The following DNAH6 variants were observed in gnomAD, a reference collection of about 807,000 sequenced individuals.
The protein encoded by DNAH6 is dynein axonemal heavy chain 6.
In DNAH6, 340 loss-of-function variants were observed where a neutral mutation model predicts 491.4. The observed-to-expected ratio is 0.69, with a 90% confidence interval of 0.63 to 0.76. The LOEUF is 0.76. Among genes scored for constraint, DNAH6 ranks in the 30% least tolerant of loss-of-function variants. The pLI, the probability that DNAH6 is intolerant of heterozygous loss-of-function variation, is 0.00. For synonymous variants in DNAH6, 1,603 were observed against 1,686.1 expected (o/e 0.95, Z 1.21); for missense variants, 4,443 against 4,972.2 (o/e 0.89, Z 3.20).
At chr2:84,518,188 T>C in intron 2 of DNAH6, 137 bp downstream of exon 2, 2 of 647,004 alleles carry the variant, frequency 3.1e-6, no homozygotes, top group Non-Finnish European at 5.3e-6. Context: ...ACTGCTTATG[T>C]AGTTGTAAAT....
In DNAH6 at chr2:84,658,272, A is replaced by T; in HGVS notation, c.5758-20A>T. 6.8e-7 allele frequency: 1 copy of T among 1,480,602 alleles called. No individual in the cohort carries two copies. The highest frequency in any genetic ancestry group is 1.4e-5 in the African/African-American group (1 of 70,326). The allele number at this position is 1,480,602 out of a possible 1,614,324, so 91.7% of individuals were successfully genotyped here. A position where few individuals can be genotyped will look rare whatever the true frequency, so the allele number is the denominator to read the frequency against. ...TATATTTATCAGGTCTTGCTAAACT[A>T]TCATTTGTTTCATTTTCAGCTGACT... On this transcript the variant is annotated intron_variant, in intron 35 of 76. Transcript: ENST00000389394.
chr2:84,507,415 T>G, the DNAH6 span, among the ~76,000 whole-genome samples: 1 of 152,252 alleles, frequency 6.6e-6, no homozygotes, highest in Non-Finnish European at 1.5e-5. Context: ...CACATTGATT[T>G]TGTAACCTGA....
intron 64 of DNAH6, among the ~76,000 whole-genome samples, chr2:84,768,278 C>G (rs1400857417): frequency 2.6e-5 from 4 of 151,892 alleles, no homozygotes; most frequent in Admixed American, 2.6e-4. Flanking sequence ...ACACAATAGA[C>G]AGGATCCAAA....
At chr2:84,497,063 C>T in the DNAH6 span, among the ~76,000 whole-genome samples, 39 of 151,286 alleles carry the variant, frequency 2.6e-4, no homozygotes, top group African/African-American at 9.0e-4. Flanking sequence ...CTCCACCTGC[C>T]GGGTTTAAGC....
At chr2:84,700,449 G>C (rs552262412) in intron 48 of DNAH6, among the ~76,000 whole-genome samples, 2 of 152,296 alleles carry the variant, frequency 1.3e-5, no homozygotes, top group South Asian at 2.1e-4. Context: ...CATCAGCTGA[G>C]AGTGAAAAAG....
chr2:84,522,123 A>G (rs1676206952), intron 2 of DNAH6, among the ~76,000 whole-genome samples: 1 of 151,918 alleles, frequency 6.6e-6, no homozygotes, highest in Non-Finnish European at 1.5e-5. Context: ...ATGTTTTTTC[A>G]TTTGTTTGTG....
In DNAH6 at chr2:84,787,311, G is replaced by C; in HGVS notation, c.11239+9G>C. 1 of 1,545,424 alleles carries C rather than the reference G, an allele frequency of 6.5e-7. No individual in the cohort carries two copies. The highest frequency in any genetic ancestry group is 8.7e-7 in the Non-Finnish European group (1 of 1,144,522). On this transcript the variant is annotated intron_variant, in intron 68 of 76. Transcript: ENST00000389394. ...ACTAATTTACATTACTGGTGAGTACGTCCTTGTGGCCAGGCCTTCCATCTA... is the reference window on the plus strand; with the variant it reads ...ACTAATTTACATTACTGGTGAGTACCTCCTTGTGGCCAGGCCTTCCATCTA...
At chr2:84,585,311 A>T (rs1683428236) in intron 15 of DNAH6, among the ~76,000 whole-genome samples, 1 of 152,118 alleles carries the variant, frequency 6.6e-6, no homozygotes. Flanking sequence ...GTTATGGGAT[A>T]TTTGGGGTGT....
chr2:84,704,062 G>A lies in DNAH6; in HGVS notation c.8230-5G>A. ...CCACTTAAGCAGTCATGTTTCAATG[G>A]TTAGGTCCGTAACACTGTGCAGGAG... On this transcript the variant is annotated splice_polypyrimidine_tract_variant and splice_region_variant and intron_variant, in intron 50 of 76. Coordinates refer to ENST00000389394, the MANE Select transcript of DNAH6 (RefSeq NM_001370.2). 4 of 1,550,342 alleles carry A rather than the reference G, an allele frequency of 2.6e-6. No homozygotes were observed. Among genetic ancestry groups the A allele is most frequent in the Non-Finnish European group, 3.5e-6 (4 of 1,146,090 alleles).
At position 84,672,320 on chromosome 2, in the gene DNAH6, T is replaced by C. The variant is rs1457649435; in HGVS notation, c.6455-7T>C. On this transcript the variant is annotated splice_region_variant and splice_polypyrimidine_tract_variant and intron_variant, in intron 39 of 76. Transcript: ENST00000389394. ...ATTCTTAAATTAAATTCATTTTATT[T>C]CCCTAGGAGCACCGGGAAACAAACG... The C allele has an allele frequency of 2.0e-6, 3 of 1,536,490 alleles. No homozygotes were observed. In the East Asian group the frequency reaches 7.4e-5, roughly 38 times the overall value.
At chr2:84,467,108 A>G in the DNAH6 span, among the ~76,000 whole-genome samples, 1 of 152,198 alleles carries the variant, frequency 6.6e-6, no homozygotes, top group Non-Finnish European at 1.5e-5. Context: ...TTACAGAAAA[A>G]CTGAATACCC....
chr2:84,601,007 A>AGT (rs1685160449), intron 18 of DNAH6, among the ~76,000 whole-genome samples: 13 of 131,324 alleles, frequency 9.9e-5, no homozygotes, highest in African/African-American at 4.1e-4. Flanking sequence ...AATATACTAT[A>AGT]ATAATATTAT....
At chr2:84,499,535 T>C in the DNAH6 span, among the ~76,000 whole-genome samples, 3 of 152,206 alleles carry the variant, frequency 2.0e-5, no homozygotes, top group Admixed American at 2.0e-4. Context: ...ATATACTGAT[T>C]TCCTTTCTTT....
intron 5 of DNAH6, 22 bp downstream of exon 5, chr2:84,544,522 T>C (rs1678584372): frequency 8.0e-7 from 1 of 1,254,884 alleles, no homozygotes; most frequent in Non-Finnish European, 1.1e-6. Flanking sequence ...TCATTTATAT[T>C]TTAAAATAAT....
chr2:84,808,816 T>A (rs11686936), intron 72 of DNAH6, among the ~76,000 whole-genome samples: 6,794 of 152,320 alleles, frequency 0.045, 192 homozygotes, highest in African/African-American at 0.078. Context: ...CTAGAAATTG[T>A]TCAGAGACCT....
chr2:84,758,574 A>G, intron 63 of DNAH6, among the ~76,000 whole-genome samples: 1 of 152,300 alleles, frequency 6.6e-6, no homozygotes, highest in East Asian at 1.9e-4. Flanking sequence ...ATAATATAAT[A>G]TAAAGATAAT....
intron 8 of DNAH6, among the ~76,000 whole-genome samples, chr2:84,548,619 A>AGT (rs1433233715): frequency 6.6e-6 from 1 of 152,154 alleles, no homozygotes. Flanking sequence ...CTAGGACCTA[A>AGT]GTGATGTCTC....
rs1692470610 is a variant in DNAH6 at position 84,669,144 on chromosome 2, A to G, written c.6085-145A>G. 3 of 643,840 alleles carry G rather than the reference A, an allele frequency of 4.7e-6. No homozygotes were observed. In the East Asian group the frequency reaches 8.2e-5, roughly 18 times the overall value. 39.9% of individuals were successfully genotyped at this position (643,840 alleles called of 1,614,324 possible). On this transcript the variant is annotated intron_variant, in intron 37 of 76. Transcript: ENST00000389394. ...TTTAAATAACTAGTCTCAGATACCT[A>G]AATAACTATGTATCTACAAAGGAAA...
rs1234581984 is a variant in DNAH6 at position 84,593,980 on chromosome 2, G to A, written c.2619G>A (p.Val873=). The A allele has an allele frequency of 6.5e-7, 1 of 1,544,124 alleles. No homozygotes were observed. The highest frequency in any genetic ancestry group is 1.4e-5 in the African/African-American group (1 of 72,916). Residue 873 remains valine (V), a synonymous_variant, in exon 17 of 77, where the codon GTG becomes GTA. Coordinates refer to ENST00000389394, the MANE Select transcript of DNAH6 (RefSeq NM_001370.2). ...TTACTACATTTTTAAAGGTAGAAGT[G>A]TCCAAGTTTGAAGCTTTGGAAGAAG... The part of the protein sequence containing the change: ...KSYQKNFKVE[V]SKFEALEEVS...
Sources: gnomAD v4.1 joint callset for allele counts (sites outside exome capture counted in the v4.1 genomes callset) on GRCh38, gnomAD v4.1.1 for gene constraint, MANE v1.5 for transcripts, NCBI Gene and HGNC (gene_info 2026-07-23, HGNC 2026-07-21) for gene names.